Variants in PANK4 observed in about 807,000 individuals in gnomAD.
PANK4 encodes the protein 4'-phosphopantetheine phosphatase.
PANK4 carries 40 observed loss-of-function variants against 87.9 expected under a neutral mutation model. The observed-to-expected ratio is 0.46, with a 90% CI of 0.35 to 0.59. PANK4 has a LOEUF of 0.59. Ranked by LOEUF, PANK4 falls within the 20% of genes least tolerant of loss-of-function variation. PANK4 has a pLI of 0.00. For missense variants in PANK4, 926 were observed against 1,072.3 expected (o/e 0.86, Z 1.90); for synonymous variants, 524 against 467.4 (o/e 1.12, Z -1.56).
chr1:2,515,977 C>A lies in PANK4; in HGVS notation c.1219-260G>T, dbSNP rs1643765901. The A allele has an allele frequency of 3.6e-6, 2 of 554,446 alleles. No individual in the cohort carries two copies. The highest frequency in any genetic ancestry group is 6.5e-6 in the Non-Finnish European group (2 of 308,686). 34.3% of individuals were successfully genotyped at this position (554,446 alleles called of 1,614,324 possible). A position where few individuals can be genotyped will look rare whatever the true frequency, so the allele number is the denominator to read the frequency against. On this transcript the variant is annotated intron_variant, in intron 9 of 18. Coordinates refer to ENST00000378466, the MANE Select transcript of PANK4 (RefSeq NM_018216.4). The surrounding 1 kb of genome is among the most constrained non-coding windows in gnomAD (Gnocchi z 5.0). ...GCCTCCTGCCCCCAGCACCTCCCCG[C>A]TGCAGCCACACCTCCCCAATCACCG... is the stretch of plus-strand genomic sequence containing the variant.
rs1375356258 is a variant in PANK4, at chr1:2,510,292, A to C, written c.1939-135T>G. On this transcript the variant is annotated intron_variant, in intron 16 of 18. Transcript: ENST00000378466. The surrounding 1 kb of genome is among the most constrained non-coding windows in gnomAD (Gnocchi z 4.9). Reference sequence around the variant, plus strand: ...GGGCCTGGCCAGCCACCTGCTGCTGAGGAGCAGGGACCTCGCCTGACCTTG... The same window carrying C: ...GGGCCTGGCCAGCCACCTGCTGCTGCGGAGCAGGGACCTCGCCTGACCTTG... 2 of 676,642 alleles carry C rather than the reference A, an allele frequency of 3.0e-6. No homozygotes were observed. The highest frequency in any genetic ancestry group is 5.4e-6 in the Non-Finnish European group (2 of 369,902). The allele number at this position is 676,642 out of a possible 1,614,324, so 41.9% of individuals were successfully genotyped here.
rs975838128 is a variant in PANK4 at position 2,510,078 on chromosome 1, G to T, written c.2018C>A (p.Ala673Glu). 2.5e-6 allele frequency: 4 copies of T among 1,609,830 alleles called. No individual in the cohort carries two copies. Among genetic ancestry groups the T allele is most frequent in the Non-Finnish European group, 2.5e-6 (3 of 1,178,382 alleles). The stretch of plus-strand genomic sequence containing the variant: ...TCACTGCACGACAGGGTCCATGCCC[G>T]CAATACGCTCTGCCACGATGAGGGA... ...SESLIVAERI[A>E]GMDPVVHSAL... Residue 673 changes from alanine to glutamate, a missense_variant, in exon 17 of 19, where the codon GCG (alanine) becomes GAG (glutamate). By Grantham distance (107) the Ala-to-Glu change is moderately radical. Coordinates refer to ENST00000378466, the MANE Select transcript of PANK4 (RefSeq NM_018216.4). This position sits in a 1 kb window ranked among gnomAD's most constrained non-coding sequence, Gnocchi z 4.9.
Position 2,523,825 on chromosome 1 carries a change from C to T in PANK4, c.125-2025G>A, listed in dbSNP as rs370940409. On this transcript the variant is annotated intron_variant, in intron 1 of 18. Coordinates refer to ENST00000378466, the MANE Select transcript of PANK4 (RefSeq NM_018216.4). ...GGGACCCCTCGGAATCACAGCAAAC[C>T]GCGCCTGGCAAGGCAGTGACAGGAG... Among the ~76,000 whole-genome samples the T allele has an allele frequency of 3.3e-5, 5 of 152,362 alleles. No homozygotes were observed. The East Asian group carries it at 5.8e-4, about 18-fold the overall frequency.
chr1:2,518,287 A>C (rs1345948603), intron 8 of PANK4, 23 bp from the exon 9 acceptor site: 1 of 1,530,890 alleles, frequency 6.5e-7, no homozygotes, highest in Admixed American at 1.7e-5. Context: ...AAGCCAGGTC[A>C]CTTGTGTTAA....
rs1049801651 is a variant in PANK4 at position 2,509,157 on chromosome 1, C to T, written c.2109-97G>A. 27 of 929,814 alleles carry T rather than the reference C, an allele frequency of 2.9e-5. No individual in the cohort carries two copies. The highest frequency in any genetic ancestry group is 4.9e-5 in the Admixed American group (2 of 40,992). 57.6% of individuals were successfully genotyped at this position (929,814 alleles called of 1,614,324 possible). Reference sequence around the variant, plus strand: ...CCAACGTGAAGGCTGAAACCCCTACCGCTCAATTCCCTGATGTGGAGGCCT... The same window carrying T: ...CCAACGTGAAGGCTGAAACCCCTACTGCTCAATTCCCTGATGTGGAGGCCT... On this transcript the variant is annotated intron_variant, in intron 18 of 18. Transcript: ENST00000378466. The surrounding 1 kb of genome is among the most constrained non-coding windows in gnomAD (Gnocchi z 4.9).
Position 2,518,149 on chromosome 1 carries a change from G to A in PANK4, c.1218+15C>T, listed in dbSNP as rs1255870897. The A allele has an allele frequency of 6.4e-7, 1 of 1,562,142 alleles. No individual in the cohort carries two copies. The highest frequency in any genetic ancestry group is 8.7e-7 in the Non-Finnish European group (1 of 1,147,538). On this transcript the variant is annotated intron_variant, in intron 9 of 18. Coordinates refer to ENST00000378466, the MANE Select transcript of PANK4 (RefSeq NM_018216.4). ...GCTCCCCTGGGGCCCGGGGCGGCCA[G>A]AGCCCACTACTCACAGTGCCACTCC...
In PANK4 at chr1:2,521,492, C is replaced by T. The variant is rs186530405; in HGVS notation, c.208-177G>A. ...GGACCGTGGCGACCTCAGGGCCACC[C>T]AGCAGGAGCGGAAGCCTCTCCCGGG... On this transcript the variant is annotated intron_variant, in intron 2 of 18. Transcript: ENST00000378466. The T allele has an allele frequency of 5.5e-3, 3,796 of 692,790 alleles. 13 individuals carry two copies. The highest frequency in any genetic ancestry group is 7.2e-3 in the Non-Finnish European group (2,838 of 394,090). 42.9% of individuals were successfully genotyped at this position (692,790 alleles called of 1,614,324 possible).
At position 2,509,912 on chromosome 1, in the gene PANK4, C is replaced by G; in HGVS notation, c.2058G>C (p.Glu686Asp). 6.2e-7 allele frequency: 1 copy of G among 1,612,452 alleles called. No individual in the cohort carries two copies. Among genetic ancestry groups the G allele is most frequent in the South Asian group, 1.1e-5 (1 of 90,942 alleles). ...DPVVHSALQEERLLLVQTGSS... is the reference protein window; with the variant it reads ...DPVVHSALQEDRLLLVQTGSS... ...AGCCCGTCTGCACCAGCAGCAGCCT[C>G]TCTTCCTGGAGCGCAGAGCTGCCAG... The change falls in exon 18 of 19, where the codon GAG (glutamate) becomes GAC (aspartate). Residue 686 changes from glutamate to aspartate, a missense_variant. By Grantham distance (45) the Glu-to-Asp change is conservative (BLOSUM62 2). Transcript: ENST00000378466. The surrounding 1 kb of genome is among the most constrained non-coding windows in gnomAD (Gnocchi z 4.9).
Position 2,508,631 on chromosome 1 carries a change from A to AT in PANK4, c.*215_*216insA. 76 of 306,346 alleles carry AT rather than the reference A, an allele frequency of 2.5e-4. No individual in the cohort carries two copies. Among genetic ancestry groups the AT allele is most frequent in the East Asian group, 8.3e-4 (13 of 15,746 alleles). 19.0% of individuals were successfully genotyped at this position (306,346 alleles called of 1,614,324 possible). On this transcript the variant is annotated 3_prime_UTR_variant, in exon 19 of 19. Coordinates refer to ENST00000378466, the MANE Select transcript of PANK4 (RefSeq NM_018216.4). The surrounding 1 kb of genome is among the most constrained non-coding windows in gnomAD (Gnocchi z 5.1). The stretch of plus-strand genomic sequence containing the variant: ...CTCTATTTATATATATATATATATA[A>AT]AAGGTTCTTTAGCAGTTAAATAGAT...
chr1:2,510,514 C>A lies in PANK4; in HGVS notation c.1938+164G>T. ...AGCCCAGGGGGCTCGGAGCCTCCAC[C>A]CCAGCAGATGACGGCTCTGGGCCGC... On this transcript the variant is annotated intron_variant, in intron 16 of 18. Transcript: ENST00000378466. This position sits in a 1 kb window ranked among gnomAD's most constrained non-coding sequence, Gnocchi z 4.9. 1.6e-6 allele frequency: 1 copy of A among 640,558 alleles called. No individual in the cohort carries two copies. Among genetic ancestry groups the A allele is most frequent in the Non-Finnish European group, 2.8e-6 (1 of 360,108 alleles). 39.7% of individuals were successfully genotyped at this position (640,558 alleles called of 1,614,324 possible).
In PANK4 at chr1:2,515,849, G is replaced by C; in HGVS notation, c.1219-132C>G. The C allele has an allele frequency of 1.1e-6, 1 of 932,518 alleles. No individual in the cohort carries two copies. The highest frequency in any genetic ancestry group is 2.6e-5 in the East Asian group (1 of 37,886). The allele number at this position is 932,518 out of a possible 1,614,324, so 57.8% of individuals were successfully genotyped here. On this transcript the variant is annotated intron_variant, in intron 9 of 18. Transcript: ENST00000378466. This position sits in a 1 kb window ranked among gnomAD's most constrained non-coding sequence, Gnocchi z 5.0. ...TCTTCCGCCACGTCTCTGGGCCACAGACGAGACCCCCACTGGGCCCCCTCA... is the reference window on the plus strand; with the variant it reads ...TCTTCCGCCACGTCTCTGGGCCACACACGAGACCCCCACTGGGCCCCCTCA...
At position 2,520,492 on chromosome 1, in the gene PANK4, T is replaced by C. The variant is rs1643865827; in HGVS notation, c.607-78A>G. On this transcript the variant is annotated intron_variant, in intron 4 of 18. Coordinates refer to ENST00000378466, the MANE Select transcript of PANK4 (RefSeq NM_018216.4). The surrounding 1 kb of genome is among the most constrained non-coding windows in gnomAD (Gnocchi z 6.2). ...CTCCCCCGCCCCCCGCCCCATGTGC[T>C]GCGCTGGGGTGAACCCCGCCCCCAC... 6 of 771,900 alleles carry C rather than the reference T, an allele frequency of 7.8e-6. No homozygotes were observed. The highest frequency in any genetic ancestry group is 5.6e-5 in the South Asian group (4 of 70,820). The allele number at this position is 771,900 out of a possible 1,614,324, so 47.8% of individuals were successfully genotyped here.
rs913319298 is a variant in PANK4, at chr1:2,509,591, G to T, written c.2108+271C>A. Among the ~76,000 whole-genome samples, 1 of 152,190 alleles carries T rather than the reference G, an allele frequency of 6.6e-6. No individual in the cohort carries two copies. Among genetic ancestry groups the T allele is most frequent in the Non-Finnish European group, 1.5e-5 (1 of 68,036 alleles). On this transcript the variant is annotated intron_variant, in intron 18 of 18. Coordinates refer to ENST00000378466, the MANE Select transcript of PANK4 (RefSeq NM_018216.4). The surrounding 1 kb of genome is among the most constrained non-coding windows in gnomAD (Gnocchi z 4.9). ...GCCCAGGTCGCCCTCGGTCTCAGCT[G>T]AGTGGCCACAGGGACATTGGCCCCT...
Position 2,510,307 on chromosome 1 carries a change from G to C in PANK4, c.1939-150C>G. On this transcript the variant is annotated intron_variant, in intron 16 of 18. Coordinates refer to ENST00000378466, the MANE Select transcript of PANK4 (RefSeq NM_018216.4). This position sits in a 1 kb window ranked among gnomAD's most constrained non-coding sequence, Gnocchi z 4.9. ...CCTGCTGCTGAGGAGCAGGGACCTC[G>C]CCTGACCTTGCCACTCTGTGGCCCC... The C allele has an allele frequency of 4.6e-6, 3 of 646,660 alleles. No individual in the cohort carries two copies. In the South Asian group the frequency reaches 5.2e-5, roughly 11 times the overall value. The allele number at this position is 646,660 out of a possible 1,614,324, so 40.1% of individuals were successfully genotyped here. A position where few individuals can be genotyped will look rare whatever the true frequency, so the allele number is the denominator to read the frequency against.
Position 2,512,202 on chromosome 1 carries a change from G to A in PANK4, c.1728-519C>T, listed in dbSNP as rs544224636. 3.3e-5 allele frequency among the ~76,000 whole-genome samples: 5 copies of A among 152,298 alleles called. No homozygotes were observed. The East Asian group carries it at 9.7e-4, about 29-fold the overall frequency. On this transcript the variant is annotated intron_variant, in intron 13 of 18. Coordinates refer to ENST00000378466, the MANE Select transcript of PANK4 (RefSeq NM_018216.4). ...GTCAGGACCCTCCTCCAATGCTCCT[G>A]ACAGGCTGCGGGAGGGGCCTGTGTC...
Position 2,510,306 on chromosome 1 carries a change from C to T in PANK4, c.1939-149G>A, listed in dbSNP as rs1643639279. 9 of 651,942 alleles carry T rather than the reference C, an allele frequency of 1.4e-5. No individual in the cohort carries two copies. Among genetic ancestry groups the T allele is most frequent in the East Asian group, 2.7e-5 (1 of 36,680 alleles). The allele number at this position is 651,942 out of a possible 1,614,324, so 40.4% of individuals were successfully genotyped here. On this transcript the variant is annotated intron_variant, in intron 16 of 18. Transcript: ENST00000378466. The surrounding 1 kb of genome is among the most constrained non-coding windows in gnomAD (Gnocchi z 4.9). The stretch of plus-strand genomic sequence containing the variant: ...ACCTGCTGCTGAGGAGCAGGGACCT[C>T]GCCTGACCTTGCCACTCTGTGGCCC...
intron 9 of PANK4, among the ~76,000 whole-genome samples, chr1:2,517,866 C>T (rs1394237121): frequency 6.6e-6 from 1 of 152,220 alleles, no homozygotes; most frequent in Non-Finnish European, 1.5e-5. Context: ...GGAGAGGTCC[C>T]CGTCACCCCT....
At chr1:2,522,712 G>A (rs1643885051) in intron 1 of PANK4, among the ~76,000 whole-genome samples, 1 of 152,282 alleles carries the variant, frequency 6.6e-6, no homozygotes, top group Non-Finnish European at 1.5e-5. Context: ...ACTTAACAGA[G>A]GGCACTGTGT....
In PANK4 at chr1:2,508,725, G is replaced by T; in HGVS notation, c.*122C>A. On this transcript the variant is annotated 3_prime_UTR_variant, in exon 19 of 19. Transcript: ENST00000378466. The surrounding 1 kb of genome is among the most constrained non-coding windows in gnomAD (Gnocchi z 5.1). ...GGGTCACACGCATCTGTGCGGCTGG[G>T]GTGTATGTGCCGCGTCACAGCAGTA... 1 of 657,316 alleles carries T rather than the reference G, an allele frequency of 1.5e-6. No individual in the cohort carries two copies. The highest frequency in any genetic ancestry group is 2.7e-6 in the Non-Finnish European group (1 of 364,864). The allele number at this position is 657,316 out of a possible 1,614,324, so 40.7% of individuals were successfully genotyped here. A position where few individuals can be genotyped will look rare whatever the true frequency, so the allele number is the denominator to read the frequency against.
Sources: gnomAD v4.1 joint callset for allele counts (sites outside exome capture counted in the v4.1 genomes callset) on GRCh38, gnomAD v4.1.1 for gene constraint, Gnocchi (gnomAD v3.1) non-coding constraint, MANE v1.5 for transcripts, NCBI Gene and HGNC (gene_info 2026-07-23, HGNC 2026-07-21) for gene names.